DLC1: variants seen among roughly 807,000 people sequenced by gnomAD.
DLC1 encodes the protein DLC1 Rho GTPase activating protein.
A neutral mutation model predicts 140.3 loss-of-function variants in DLC1; 54 were observed. That is an observed-to-expected ratio of 0.38 (90% CI 0.31 to 0.48). The LOEUF (loss-of-function observed/expected upper bound fraction) is 0.48. Among genes scored for constraint, DLC1 ranks in the 20% least tolerant of loss-of-function variants. The probability of loss-of-function intolerance (pLI) is 0.96; values close to 1 mark genes in which losing one functional copy is unlikely to be tolerated. For missense variants in DLC1, 2,536 were observed against 1,907.0 expected, an observed-to-expected ratio of 1.33 and a Z score of -6.14; for synonymous variants, 986 against 728.1, an observed-to-expected ratio of 1.35 and a Z score of -5.70.
intron 5 of DLC1, among the ~76,000 whole-genome samples, chr8:13,282,516 A>G (rs190340482): frequency 8.5e-5 from 13 of 152,342 alleles, no homozygotes; most frequent in Non-Finnish European, 1.3e-4. Flanking sequence ...TCTATAACTT[A>G]TATTACCTTA....
At chr8:13,528,819 C>G (rs1368338914) in intron 1 of DLC1, among the ~76,000 whole-genome samples, 4 of 152,136 alleles carry the variant, frequency 2.6e-5, no homozygotes, top group Admixed American at 2.6e-4. Flanking sequence ...TCAGTTTGAG[C>G]AACAGACCCA....
intron 2 of DLC1, among the ~76,000 whole-genome samples, chr8:13,450,640 T>C (rs979919488): frequency 2.0e-5 from 3 of 152,140 alleles, no homozygotes; most frequent in African/African-American, 7.2e-5. Flanking sequence ...AACTTAATGA[T>C]ATTTTGATGA....
intron 5 of DLC1, among the ~76,000 whole-genome samples, chr8:13,121,149 G>A (rs2128955237): frequency 6.6e-6 from 1 of 152,282 alleles, no homozygotes; most frequent in South Asian, 2.1e-4. Flanking sequence ...GCACTTTGCA[G>A]ATTCCCTGGA....
intron 1 of DLC1, among the ~76,000 whole-genome samples, chr8:13,572,509 C>A (rs2117417692): frequency 6.6e-6 from 1 of 152,130 alleles, no homozygotes; most frequent in South Asian, 2.1e-4. Context: ...TTTTCTATTT[C>A]TTCTTTTATT....
intron 2 of DLC1, among the ~76,000 whole-genome samples, chr8:13,491,543 C>T (rs988864817): frequency 2.0e-5 from 3 of 152,000 alleles, no homozygotes; most frequent in Non-Finnish European, 4.4e-5. Flanking sequence ...TTTCTACACT[C>T]ATCCTTGTCC....
At chr8:13,272,744 G>A (rs1343598961) in intron 5 of DLC1, among the ~76,000 whole-genome samples, 1 of 152,018 alleles carries the variant, frequency 6.6e-6, no homozygotes, top group Non-Finnish European at 1.5e-5. Flanking sequence ...CGTGGTGGTG[G>A]GCGCCTGTAG....
intron 4 of DLC1, among the ~76,000 whole-genome samples, chr8:13,349,481 G>T (rs893914167): frequency 2.1e-4 from 32 of 152,288 alleles, no homozygotes; most frequent in African/African-American, 6.5e-4. Flanking sequence ...CCTTTCACTT[G>T]CTCTTTCACA....
intron 5 of DLC1, among the ~76,000 whole-genome samples, chr8:13,210,909 G>A (rs1013527883): frequency 6.6e-6 from 1 of 152,144 alleles, no homozygotes; most frequent in African/African-American, 2.4e-5. Context: ...CATTTCATCT[G>A]TAGGAATAGA....
chr8:13,184,752 T>C (rs183059063), intron 5 of DLC1, among the ~76,000 whole-genome samples: 7 of 152,328 alleles, frequency 4.6e-5, no homozygotes, highest in Non-Finnish European at 1.0e-4. Flanking sequence ...TGTGATGTGA[T>C]GCTGAGAAGA....
intron 4 of DLC1, among the ~76,000 whole-genome samples, chr8:13,357,238 T>A (rs953729354): frequency 6.6e-6 from 1 of 151,782 alleles, no homozygotes; most frequent in Non-Finnish European, 1.5e-5. Context: ...ACCACTGCAC[T>A]CCAGCCTGGG....
chr8:13,494,996 C>A (rs1206978614), intron 2 of DLC1, among the ~76,000 whole-genome samples: 1 of 151,840 alleles, frequency 6.6e-6, no homozygotes, highest in Non-Finnish European at 1.5e-5. Context: ...AAACTAAGAC[C>A]CTAACATTCA....
intron 5 of DLC1, among the ~76,000 whole-genome samples, chr8:13,195,315 C>T (rs180722438): frequency 7.9e-5 from 12 of 152,248 alleles, no homozygotes; most frequent in Admixed American, 3.3e-4. Flanking sequence ...GATGGCAGTC[C>T]TTCTGTTGCA....
At chr8:13,392,154 A>G (rs774531856) in intron 4 of DLC1, among the ~76,000 whole-genome samples, 4 of 152,302 alleles carry the variant, frequency 2.6e-5, no homozygotes, top group Non-Finnish European at 5.9e-5. Flanking sequence ...ATTGTGCAGT[A>G]TCTTTCTAGT....
chr8:13,560,426 C>T (rs996230727), intron 1 of DLC1, among the ~76,000 whole-genome samples: 2 of 151,474 alleles, frequency 1.3e-5, no homozygotes, highest in African/African-American at 4.9e-5. Context: ...ACTCACAAGG[C>T]CCCCACAGAT....
In DLC1 at chr8:13,115,490, C is replaced by T. The variant is rs1044069941; in HGVS notation, c.1420+96G>A. ...TTTTTTTAAAAATAAAACATTTAAA[C>T]GATAAAACTGCTGAAAATAAGTCAT... On this transcript the variant is annotated intron_variant, in intron 6 of 17. Coordinates refer to ENST00000276297, the MANE Select transcript of DLC1 (RefSeq NM_182643.3). 26 of 1,162,938 alleles carry T rather than the reference C, an allele frequency of 2.2e-5. 1 individual carries two copies. Among genetic ancestry groups the T allele is most frequent in the East Asian group, 1.5e-4 (6 of 38,984 alleles). The allele number at this position is 1,162,938 out of a possible 1,614,324, so 72.0% of individuals were successfully genotyped here.
intron 5 of DLC1, among the ~76,000 whole-genome samples, chr8:13,116,455 G>T (rs1820564912): frequency 6.6e-6 from 1 of 152,116 alleles, no homozygotes; most frequent in African/African-American, 2.4e-5. Flanking sequence ...CTTGCACAAA[G>T]AATATTCCTT....
chr8:13,265,150 A>T (rs569274067), intron 5 of DLC1, among the ~76,000 whole-genome samples: 2 of 152,362 alleles, frequency 1.3e-5, no homozygotes, highest in Admixed American at 6.5e-5. Flanking sequence ...AATGTGGTTT[A>T]AAAACATAGA....
intron 4 of DLC1, among the ~76,000 whole-genome samples, chr8:13,327,704 G>C (rs1212175722): frequency 6.6e-6 from 1 of 152,152 alleles, no homozygotes; most frequent in Non-Finnish European, 1.5e-5. Context: ...CTCTGTATCA[G>C]GCACTGTGCC....
chr8:13,502,687 T>C (rs1801874831), intron 1 of DLC1, among the ~76,000 whole-genome samples: 1 of 152,230 alleles, frequency 6.6e-6, no homozygotes. Flanking sequence ...ACTTCTCCTG[T>C]GAGCCTCCTC....
Sources: gnomAD v4.1 joint callset for allele counts (sites outside exome capture counted in the v4.1 genomes callset) on GRCh38, gnomAD v4.1.1 for gene constraint, MANE v1.5 for transcripts, NCBI Gene and HGNC (gene_info 2026-07-23, HGNC 2026-07-21) for gene names.